TASP1: variants seen among roughly 807,000 people sequenced by gnomAD.
The protein encoded by TASP1 is threonine aspartase 1.
In TASP1, 16 loss-of-function variants were observed where a neutral mutation model predicts 56.6. That is an observed-to-expected ratio of 0.28 (90% CI 0.19 to 0.43). TASP1 has a LOEUF of 0.43. TASP1 is among the 20% of genes least tolerant of loss of function. The probability of loss-of-function intolerance (pLI) is 1.00; values close to 1 mark genes in which losing one functional copy is unlikely to be tolerated. For synonymous variants in TASP1, 179 were observed against 184.2 expected (o/e 0.97, Z 0.23); for missense variants, 393 against 511.6 (o/e 0.77, Z 2.24).
chr20:13,502,917 C>T (rs183080363), intron 10 of TASP1, among the ~76,000 whole-genome samples: 1 of 152,238 alleles, frequency 6.6e-6, no homozygotes, highest in African/African-American at 2.4e-5. Context: ...TGACCCTTAT[C>T]GCCCCTCCCC....
At chr20:13,258,946 T>C in the TASP1 span, among the ~76,000 whole-genome samples, 3 of 152,054 alleles carry the variant, frequency 2.0e-5, no homozygotes, top group Admixed American at 6.5e-5. Context: ...GAGCATAACA[T>C]GGTGATGTTA....
the TASP1 span, among the ~76,000 whole-genome samples, chr20:13,378,681 G>A: frequency 2.6e-5 from 4 of 152,134 alleles, no homozygotes; most frequent in African/African-American, 4.8e-5. Context: ...GGGTGTTAAA[G>A]TCTCCCACTA....
the TASP1 span, among the ~76,000 whole-genome samples, chr20:13,321,253 T>TAAAAAAAAAAAAAAAAAAAAAAAAA: frequency 1.4e-4 from 8 of 57,520 alleles, no homozygotes; most frequent in Non-Finnish European, 2.5e-4. Context: ...GTGCCCCACA[T>TAAAAAAAAAAAAAAAAAAAAAAAAA]AAAAAAAAAA....
chr20:13,111,243 T>C, the TASP1 span, among the ~76,000 whole-genome samples: 1 of 152,184 alleles, frequency 6.6e-6, no homozygotes, highest in Admixed American at 6.5e-5. Context: ...ACCAGCTCAC[T>C]TTCTGCATCA....
the TASP1 span, chr20:13,126,700 T>C: frequency 6.2e-7 from 1 of 1,613,958 alleles, no homozygotes; most frequent in African/African-American, 1.3e-5. Flanking sequence ...ATCATGGGAC[T>C]GGATGGGACC....
chr20:13,274,059 TTGTG>T, the TASP1 span, among the ~76,000 whole-genome samples: 1 of 150,714 alleles, frequency 6.6e-6, no homozygotes, highest in African/African-American at 2.4e-5. Context: ...TGGCGTGTAA[TTGTG>T]TGTGTGTGTG....
At chr20:13,626,691 G>A (rs2048904186) in intron 2 of TASP1, among the ~76,000 whole-genome samples, 1 of 152,164 alleles carries the variant, frequency 6.6e-6, no homozygotes, top group Admixed American at 6.5e-5. Context: ...CACAGAGCCT[G>A]TGCCAATATT....
the TASP1 span, among the ~76,000 whole-genome samples, chr20:13,145,309 T>C: frequency 2.6e-5 from 4 of 152,084 alleles, no homozygotes; most frequent in African/African-American, 9.7e-5. Flanking sequence ...ACAAAATCAA[T>C]GTACTAAAAT....
At chr20:13,407,424 C>T (rs1290793800) in intron 13 of TASP1, among the ~76,000 whole-genome samples, 1 of 152,212 alleles carries the variant, frequency 6.6e-6, no homozygotes, top group Non-Finnish European at 1.5e-5. Flanking sequence ...CTTTTTACAG[C>T]TGAAAATATT....
chr20:13,412,731 T>C (rs1164947265), intron 13 of TASP1, among the ~76,000 whole-genome samples: 4 of 152,170 alleles, frequency 2.6e-5, no homozygotes, highest in Admixed American at 1.3e-4. Context: ...AGATAAAACA[T>C]GTTAGAACAC....
At chr20:13,319,753 C>T in the TASP1 span, among the ~76,000 whole-genome samples, 1 of 152,338 alleles carries the variant, frequency 6.6e-6, no homozygotes, top group South Asian at 2.1e-4. Flanking sequence ...CACACACACA[C>T]TCTAGAGGGT....
chr20:13,577,841 C>T (rs1367438613), intron 6 of TASP1, among the ~76,000 whole-genome samples: 3 of 152,196 alleles, frequency 2.0e-5, no homozygotes, highest in Non-Finnish European at 4.4e-5. Flanking sequence ...TGTTACTATA[C>T]ACAAATGTTT....
At chr20:13,623,410 C>T (rs779426370) in intron 4 of TASP1, 36 bp downstream of exon 4, 1 of 1,558,636 alleles carries the variant, frequency 6.4e-7, no homozygotes, top group South Asian at 1.1e-5. Context: ...AAGATAAACT[C>T]ACAAATATTT....
the TASP1 span, among the ~76,000 whole-genome samples, chr20:13,142,976 G>A: frequency 2.0e-5 from 3 of 152,088 alleles, no homozygotes; most frequent in Admixed American, 2.0e-4. Context: ...ACCTAATCAG[G>A]GCTCTCTTAA....
the TASP1 span, among the ~76,000 whole-genome samples, chr20:13,289,520 A>G: frequency 6.6e-6 from 1 of 152,216 alleles, no homozygotes. Context: ...GTGATTGACT[A>G]TAGCAGTGGT....
the TASP1 span, among the ~76,000 whole-genome samples, chr20:13,363,251 GAAGA>G: frequency 6.6e-6 from 1 of 152,134 alleles, no homozygotes; most frequent in African/African-American, 2.4e-5. Context: ...ACTCTTTGGA[GAAGA>G]AAGAGAGGCT....
At chr20:13,393,648 A>G in intron 13 of TASP1, 3 of 1,296,214 alleles carry the variant, frequency 2.3e-6, no homozygotes, top group Non-Finnish European at 3.3e-6. Context: ...GGTGGACCTC[A>G]TGGCCCACAT....
At chr20:13,440,311 G>GT (rs756589114) in intron 11 of TASP1, among the ~76,000 whole-genome samples, 2 of 152,118 alleles carry the variant, frequency 1.3e-5, no homozygotes, top group Non-Finnish European at 2.9e-5. Flanking sequence ...AAGAAGGGAG[G>GT]TAAATAATGA....
intron 11 of TASP1, among the ~76,000 whole-genome samples, chr20:13,437,132 C>T (rs2043032989): frequency 6.6e-6 from 1 of 152,090 alleles, no homozygotes; most frequent in Non-Finnish European, 1.5e-5. Context: ...AAACCGAATC[C>T]AGCAGCACAT....
Sources: allele counts gnomAD v4.1 joint callset (sites outside exome capture counted in the v4.1 genomes callset), GRCh38; gene constraint gnomAD v4.1.1; transcripts MANE v1.5; gene names NCBI Gene and HGNC (gene_info 2026-07-23, HGNC 2026-07-21).